The following ST6GALNAC3 variants were observed in gnomAD, a reference collection of about 807,000 sequenced individuals.
The protein encoded by ST6GALNAC3 is ST6 N-acetylgalactosaminide alpha-2,6-sialyltransferase 3.
Under a neutral mutation model 32.7 loss-of-function variants are expected in ST6GALNAC3, and 25 were observed. That is an observed-to-expected ratio of 0.76 (90% CI 0.56 to 1.07). The LOEUF (loss-of-function observed/expected upper bound fraction) is 1.07. ST6GALNAC3 is among the 50% of genes least tolerant of loss of function. The pLI is 0.00. For missense variants in ST6GALNAC3, 355 were observed against 382.4 expected, an observed-to-expected ratio of 0.93 and a Z score of 0.60; for synonymous variants, 129 against 133.1, an observed-to-expected ratio of 0.97 and a Z score of 0.21.
intron 3 of ST6GALNAC3, among the ~76,000 whole-genome samples, chr1:76,602,184 T>C (rs2100633960): frequency 6.6e-6 from 1 of 152,186 alleles, no homozygotes; most frequent in East Asian, 1.9e-4. Flanking sequence ...CATGTACACA[T>C]AGGAATGAGT....
chr1:76,121,038 C>G (rs889683850), intron 1 of ST6GALNAC3, among the ~76,000 whole-genome samples: 1 of 152,202 alleles, frequency 6.6e-6, no homozygotes, highest in African/African-American at 2.4e-5. Context: ...TCTGGCCCTC[C>G]TTTCTGACTC....
intron 1 of ST6GALNAC3, among the ~76,000 whole-genome samples, chr1:76,085,489 C>A (rs1646952653): frequency 6.6e-6 from 1 of 152,148 alleles, no homozygotes; most frequent in African/African-American, 2.4e-5. Flanking sequence ...GAGACTGAAG[C>A]TTAGAGAGGC....
At chr1:76,156,943 G>A (rs572185694) in intron 1 of ST6GALNAC3, among the ~76,000 whole-genome samples, 2 of 152,340 alleles carry the variant, frequency 1.3e-5, no homozygotes, top group South Asian at 4.1e-4. Flanking sequence ...GTGTTAGCCA[G>A]GATGGTCTCA....
At chr1:76,281,328 T>C (rs1182857711) in intron 1 of ST6GALNAC3, among the ~76,000 whole-genome samples, 1 of 152,212 alleles carries the variant, frequency 6.6e-6, no homozygotes. Flanking sequence ...ATTTTCTGTG[T>C]TAATGTAGTA....
intron 3 of ST6GALNAC3, among the ~76,000 whole-genome samples, chr1:76,553,500 C>T (rs1202441211): frequency 6.6e-6 from 1 of 152,112 alleles, no homozygotes; most frequent in Non-Finnish European, 1.5e-5. Context: ...GACCTGGTGA[C>T]ACCTATATCC....
At chr1:76,201,233 C>A (rs60006887) in intron 1 of ST6GALNAC3, among the ~76,000 whole-genome samples, 1 of 152,042 alleles carries the variant, frequency 6.6e-6, no homozygotes, top group Non-Finnish European at 1.5e-5. Context: ...ACTCACAGTT[C>A]GACATGGCCA....
At chr1:76,486,664 C>T (rs1326017064) in intron 3 of ST6GALNAC3, among the ~76,000 whole-genome samples, 2 of 152,100 alleles carry the variant, frequency 1.3e-5, no homozygotes, top group African/African-American at 4.8e-5. Flanking sequence ...ACTGGTGAGT[C>T]TTGACTCTTT....
intron 2 of ST6GALNAC3, among the ~76,000 whole-genome samples, chr1:76,407,945 T>G (rs893041682): frequency 1.3e-5 from 2 of 152,060 alleles, no homozygotes; most frequent in Admixed American, 6.6e-5. Flanking sequence ...CAGAGAAAGT[T>G]GAGATCAAAA....
intron 1 of ST6GALNAC3, among the ~76,000 whole-genome samples, chr1:76,212,153 G>A (rs1655203782): frequency 6.6e-6 from 1 of 152,092 alleles, no homozygotes; most frequent in Non-Finnish European, 1.5e-5. Flanking sequence ...CTATGTTAAA[G>A]ACTTCATTTC....
intron 1 of ST6GALNAC3, among the ~76,000 whole-genome samples, chr1:76,126,440 C>CTTCCTTCCTTCCTTCCTTTG (rs144548099): frequency 0.072 from 10,548 of 147,394 alleles, 526 homozygotes; most frequent in African/African-American, 0.12. Context: ...TCCTTCCTTC[C>CTTCCTTCCTTCCTTCCTTTG]TTCCTTCCTT....
chr1:76,285,385 G>GGT (rs140357874), intron 1 of ST6GALNAC3, among the ~76,000 whole-genome samples: 23,934 of 148,350 alleles, frequency 0.16, 1,935 homozygotes, highest in African/African-American at 0.19. Flanking sequence ...TCGGGAGGAT[G>GGT]GTGTGTGTGT....
intron 1 of ST6GALNAC3, among the ~76,000 whole-genome samples, chr1:76,176,807 T>C (rs1652885283): frequency 6.6e-6 from 1 of 152,250 alleles, no homozygotes; most frequent in Non-Finnish European, 1.5e-5. Flanking sequence ...TGGAAAGTTA[T>C]TGTTTTATGG....
intron 1 of ST6GALNAC3, among the ~76,000 whole-genome samples, chr1:76,175,602 G>A (rs1283191348): frequency 6.6e-6 from 1 of 151,496 alleles, no homozygotes; most frequent in East Asian, 1.9e-4. Flanking sequence ...GTTCAAGGAT[G>A]TCATACTTTT....
intron 3 of ST6GALNAC3, among the ~76,000 whole-genome samples, chr1:76,626,825 A>G (rs1013987164): frequency 3.3e-5 from 5 of 151,934 alleles, no homozygotes; most frequent in African/African-American, 9.7e-5. Flanking sequence ...CCCAGCCTCC[A>G]TAACAGTGAT....
chr1:76,093,469 C>G (rs976850020), intron 1 of ST6GALNAC3, among the ~76,000 whole-genome samples: 8 of 152,216 alleles, frequency 5.3e-5, no homozygotes, highest in African/African-American at 1.7e-4. Flanking sequence ...AGTTCCATCT[C>G]TCAGCATTTT....
intron 1 of ST6GALNAC3, among the ~76,000 whole-genome samples, chr1:76,077,256 G>A (rs945473347): frequency 6.9e-6 from 1 of 145,814 alleles, no homozygotes; most frequent in South Asian, 2.2e-4. Context: ...TAAAACTATG[G>A]ACTTTTTTTT....
intron 1 of ST6GALNAC3, among the ~76,000 whole-genome samples, chr1:76,181,957 G>A (rs1338070748): frequency 6.6e-6 from 1 of 152,102 alleles, no homozygotes; most frequent in East Asian, 1.9e-4. Flanking sequence ...TCAGAAATTC[G>A]AATTAGGATG....
At chr1:76,172,759 C>A (rs2100426488) in intron 1 of ST6GALNAC3, among the ~76,000 whole-genome samples, 1 of 152,136 alleles carries the variant, frequency 6.6e-6, no homozygotes, top group East Asian at 1.9e-4. Flanking sequence ...GAATAAAATA[C>A]CTAGGAATAC....
At chr1:76,111,840 T>C (rs1450728168) in intron 1 of ST6GALNAC3, among the ~76,000 whole-genome samples, 5 of 151,182 alleles carry the variant, frequency 3.3e-5, no homozygotes, top group Admixed American at 6.6e-5. Flanking sequence ...GTCTACCTCT[T>C]TCTACACAGA....
Sources: allele counts gnomAD v4.1 joint callset (sites outside exome capture counted in the v4.1 genomes callset), GRCh38; gene constraint gnomAD v4.1.1; transcripts MANE v1.5; gene names NCBI Gene and HGNC (gene_info 2026-07-23, HGNC 2026-07-21).